The following MUC12 variants were observed in gnomAD, a reference collection of about 807,000 sequenced individuals.
MUC12 encodes mucin 12, cell surface associated.
MUC12 carries 172 observed loss-of-function variants against 230.8 expected under a neutral mutation model. That is an observed-to-expected ratio of 0.75 (90% confidence interval 0.66 to 0.85). The LOEUF (loss-of-function observed/expected upper bound fraction) is 0.85, where lower values mean the gene tolerates loss of function less well. Among genes scored for constraint, MUC12 ranks in the 40% least tolerant of loss-of-function variants. The probability of loss-of-function intolerance (pLI) is 0.00; values close to 1 mark genes in which losing one functional copy is unlikely to be tolerated. For synonymous variants in MUC12, 1,259 were observed against 2,401.9 expected, an observed-to-expected ratio of 0.52 and a Z score of 13.91; for missense variants, 3,506 against 5,920.6, an observed-to-expected ratio of 0.59 and a Z score of 13.38.
intron 1 of MUC12, among the ~76,000 whole-genome samples, chr7:100,990,016 C>G (rs561726833): frequency 6.6e-6 from 1 of 152,176 alleles, no homozygotes; most frequent in African/African-American, 2.4e-5. Flanking sequence ...TTACAAATTA[C>G]AGTCAAGACT....
chr7:100,976,550 G>C (rs1279404152), intron 1 of MUC12, among the ~76,000 whole-genome samples: 1 of 151,890 alleles, frequency 6.6e-6, no homozygotes, highest in African/African-American at 2.4e-5. Flanking sequence ...ATTGCAGTGA[G>C]CTGAGATAGT....
In MUC12 at chr7:100,992,984, G is replaced by A. The variant is rs377737749; in HGVS notation, c.2421G>A (p.Thr807=). 3.6e-5 allele frequency: 56 copies of A among 1,537,260 alleles called. No individual in the cohort carries two copies. In the African/African-American group the frequency reaches 3.9e-4, roughly 11 times the overall value. ...CCATCAGTTCAGGCTCAATGGAAAC[G>A]ACAGCGTTACCCGGCAGTACCACAA... The part of the protein sequence containing the change: ...TSPISSGSME[T]TALPGSTTTP... Residue 807 remains threonine, a synonymous_variant, in exon 2 of 12, where the codon ACG becomes ACA. Transcript: ENST00000536621.
chr7:100,992,104 G>A lies in MUC12; in HGVS notation c.1541G>A (p.Ser514Asn), dbSNP rs1445822923. Residue 514 changes from serine (S) to asparagine (N), a missense_variant, in exon 2 of 12, where the codon AGC becomes AAC. Transcript: ENST00000536621. The stretch of plus-strand genomic sequence containing the variant: ...ACACACTTACCTGCCAGCATGACAA[G>A]CTCAGGCGTCAGTGAAGAATCCACC... ...DTTHLPASMT[S>N]SGVSEESTTS... 4 of 1,537,194 alleles carry A rather than the reference G, an allele frequency of 2.6e-6. No homozygotes were observed. The highest frequency in any genetic ancestry group is 3.5e-6 in the Non-Finnish European group (4 of 1,146,730).
At chr7:101,010,045 T>G (rs150124045) in intron 5 of MUC12, among the ~76,000 whole-genome samples, 17 of 151,958 alleles carry the variant, frequency 1.1e-4, no homozygotes, top group Admixed American at 2.6e-4. Context: ...CTACACCAGA[T>G]AGGTGACAGT....
At chr7:101,006,315 G>T (rs1793749226) in intron 2 of MUC12, among the ~76,000 whole-genome samples, 156 bp from the exon 3 acceptor site, 1 of 152,090 alleles carries the variant, frequency 6.6e-6, no homozygotes, top group South Asian at 2.1e-4. Context: ...TCTCCCGGGG[G>T]CAGAGGTGGC....
chr7:101,012,136 C>G (rs2116357671), intron 5 of MUC12, among the ~76,000 whole-genome samples, 160 bp from the exon 6 acceptor site: 1 of 152,262 alleles, frequency 6.6e-6, no homozygotes, highest in Admixed American at 6.5e-5. Context: ...GCTCTCCTCC[C>G]TCTGTCTGGG....
intron 1 of MUC12, among the ~76,000 whole-genome samples, chr7:100,989,496 A>G (rs1244974144): frequency 6.6e-6 from 1 of 152,114 alleles, no homozygotes; most frequent in African/African-American, 2.4e-5. Context: ...GAATGTGAGG[A>G]ACAAAAGGAA....
At chr7:100,969,802 G>A in intron 1 of MUC12, 113 bp downstream of exon 1, 1 of 1,449,304 alleles carries the variant, frequency 6.9e-7, no homozygotes, top group Non-Finnish European at 9.3e-7. Flanking sequence ...GCATGGCAAG[G>A]GGCTGCCACA....
chr7:101,007,744 T>C (rs370846709), intron 3 of MUC12, among the ~76,000 whole-genome samples: 6 of 152,298 alleles, frequency 3.9e-5, no homozygotes, highest in African/African-American at 1.4e-4. Context: ...CTGATTTCCT[T>C]TCTTTTGGGT....
At chr7:100,986,576 G>A in intron 1 of MUC12, among the ~76,000 whole-genome samples, 1 of 152,120 alleles carries the variant, frequency 6.6e-6, no homozygotes, top group East Asian at 1.9e-4. Flanking sequence ...ATAGTGCTCT[G>A]TCTACCCCTG....
In MUC12 at chr7:101,004,568, C is replaced by T. The variant is rs1454904903; in HGVS notation, c.14005C>T (p.His4669Tyr). Residue 4669 changes from histidine (H) to tyrosine (Y), a missense_variant, in exon 2 of 12, where the codon CAC (histidine) becomes TAC (tyrosine). Coordinates refer to ENST00000536621, the MANE Select transcript of MUC12 (RefSeq NM_001164462.2). ...HSSPGSIATT[H>Y]FPESSTTSGR... ...CAGCCCGGGCTCAATTGCAACAACA[C>T]ACTTTCCTGAGAGCTCCACAACCTC... 5.2e-6 allele frequency: 8 copies of T among 1,537,420 alleles called. No homozygotes were observed. The highest frequency in any genetic ancestry group is 4.4e-6 in the Non-Finnish European group (5 of 1,146,816).
At chr7:100,972,898 G>C (rs746932498) in intron 1 of MUC12, 2 of 702,914 alleles carry the variant, frequency 2.8e-6, no homozygotes. Context: ...GAAGCAGACA[G>C]TCGAGCAAGG....
intron 6 of MUC12, 89 bp from the exon 7 acceptor site, chr7:101,012,730 C>T: frequency 7.1e-7 from 1 of 1,399,550 alleles, no homozygotes; most frequent in Non-Finnish European, 9.8e-7. Flanking sequence ...CAGGGGAGGG[C>T]ATGGTATAGA....
chr7:100,992,092 C>T lies in MUC12; in HGVS notation c.1529C>T (p.Ala510Val), dbSNP rs776409047. 3.3e-6 allele frequency: 5 copies of T among 1,537,122 alleles called. No individual in the cohort carries two copies. In the South Asian group the frequency reaches 3.6e-5, roughly 11 times the overall value. Reference sequence around the variant, plus strand: ...TCACCAGACACAACACACTTACCTGCCAGCATGACAAGCTCAGGCGTCAGT... The same window carrying T: ...TCACCAGACACAACACACTTACCTGTCAGCATGACAAGCTCAGGCGTCAGT... ...PRSPDTTHLP[A>V]SMTSSGVSEE... The change falls in exon 2 of 12, where the codon GCC becomes GTC. Residue 510 changes from alanine to valine, a missense_variant. Coordinates refer to ENST00000536621, the MANE Select transcript of MUC12 (RefSeq NM_001164462.2).
Position 100,995,800 on chromosome 7 carries a change from G to T in MUC12, c.5237G>T (p.Ser1746Ile). 1 of 1,505,260 alleles carries T rather than the reference G, an allele frequency of 6.6e-7. No homozygotes were observed. The highest frequency in any genetic ancestry group is 8.9e-7 in the Non-Finnish European group (1 of 1,125,400). 93.2% of individuals were successfully genotyped at this position (1,505,260 alleles called of 1,614,324 possible). A position where few individuals can be genotyped will look rare whatever the true frequency, so the allele number is the denominator to read the frequency against. ...AGTGAGGAATCGACAACAGTCCACA[G>T]CAGCCCAGTTGCAACTGCAACAACA... ...GRSEESTTVH[S>I]SPVATATTPS... Residue 1746 changes from serine to isoleucine, a missense_variant, in exon 2 of 12, where the codon AGC becomes ATC. Coordinates refer to ENST00000536621, the MANE Select transcript of MUC12 (RefSeq NM_001164462.2).
chr7:101,012,465 C>G lies in MUC12; in HGVS notation c.15403+18C>G. ...CTGCAGAAGTAAGCTCACCTAAAAC[C>G]CCTTGACACCTGTGGGTGTCTTGGA... On this transcript the variant is annotated intron_variant, in intron 6 of 11. Transcript: ENST00000536621. The G allele has an allele frequency of 3.3e-6, 5 of 1,537,218 alleles. No individual in the cohort carries two copies. Among genetic ancestry groups the G allele is most frequent in the Non-Finnish European group, 3.5e-6 (4 of 1,146,624 alleles).
Position 101,013,970 on chromosome 7 carries a change from C to G in MUC12, c.15696C>G (p.Ala5232=). 6.5e-7 allele frequency: 1 copy of G among 1,536,494 alleles called. No homozygotes were observed. The highest frequency in any genetic ancestry group is 8.7e-7 in the Non-Finnish European group (1 of 1,146,586). Residue 5232 remains alanine, a synonymous_variant, in exon 9 of 12, where the codon GCC becomes GCG. Transcript: ENST00000536621. ...YWGETCEFNI[A]KSLVYGIVGA... ...GAGAGACCTGTGAATTCAACATCGC[C>G]AAGAGCCTCGTGTATGGGATCGTGG...
chr7:100,973,445 CTGAGGAGGTATGAAAATG>C (rs1337152426), intron 1 of MUC12, among the ~76,000 whole-genome samples: 2 of 5,624 alleles, frequency 3.6e-4, no homozygotes, highest in Admixed American at 1.5e-3. Context: ...CTACTACAGG[CTGAGGAGGTATGAAAATG>C]TGAGTGCTCA....
rs1321884175 is a variant in MUC12, at chr7:100,992,015, C to T, written c.1452C>T (p.Thr484=). The T allele has an allele frequency of 1.3e-6, 2 of 1,537,868 alleles. No individual in the cohort carries two copies. Among genetic ancestry groups the T allele is most frequent in the Non-Finnish European group, 8.7e-7 (1 of 1,147,090 alleles). The change falls in exon 2 of 12, where the codon ACC becomes ACT. Residue 484 remains threonine, a synonymous_variant. Transcript: ENST00000536621. ...SMETTALPGS[T]TKPGLSEKST... The stretch of plus-strand genomic sequence containing the variant: ...AAACCACAGCGTTACCCGGCAGTAC[C>T]ACAAAACCAGGCCTCAGTGAGAAAT...
Sources: gnomAD v4.1 joint callset for allele counts (sites outside exome capture counted in the v4.1 genomes callset) on GRCh38, gnomAD v4.1.1 for gene constraint, MANE v1.5 for transcripts, NCBI Gene and HGNC (gene_info 2026-07-23, HGNC 2026-07-21) for gene names.